KIF13A: variants seen among roughly 807,000 people sequenced by gnomAD.
KIF13A encodes the protein kinesin-like protein KIF13A.
Under a neutral mutation model 212.2 loss-of-function variants are expected in KIF13A, and 79 were observed. The observed-to-expected ratio is 0.37, with a 90% CI of 0.31 to 0.45. The LOEUF (loss-of-function observed/expected upper bound fraction) is 0.45. KIF13A is among the 20% of genes least tolerant of loss of function. The pLI is 1.00. For missense variants in KIF13A, 1,901 were observed against 2,209.0 expected, an observed-to-expected ratio of 0.86 and a Z score of 2.79; for synonymous variants, 789 against 808.6, an observed-to-expected ratio of 0.98 and a Z score of 0.41.
intron 2 of KIF13A, among the ~76,000 whole-genome samples, chr6:17,913,461 G>A (rs1561754956): frequency 6.6e-6 from 1 of 152,088 alleles, no homozygotes; most frequent in Non-Finnish European, 1.5e-5. Context: ...TGGAGCTGGA[G>A]CCTGTTCCAA....
chr6:17,846,208 A>G (rs1350469008), intron 9 of KIF13A, among the ~76,000 whole-genome samples: 1 of 151,944 alleles, frequency 6.6e-6, no homozygotes, highest in South Asian at 2.1e-4. Flanking sequence ...CACCTGCCTC[A>G]GCCTCCCAAA....
rs751506792 is a variant in KIF13A, at chr6:17,785,540, C to G, written c.3463G>C (p.Gly1155Arg). The change falls in exon 28 of 39, where the codon GGG becomes CGG. Residue 1155 changes from glycine (G) to arginine (R), a missense_variant. This residue lies in a region of KIF13A where 168 missense variants were observed against 250.9 expected (regional missense o/e 0.67). Transcript: ENST00000259711. The surrounding 1 kb of genome is among the most constrained non-coding windows in gnomAD (Gnocchi z 5.8). ...NAVLVPAPGS[G>R]IPGAPADWIP... ...CAGTCGGCAGGTGCCCCAGGAATCC[C>G]ACTGCCTGGGGCTGGCACCAGCACA... The G allele has an allele frequency of 1.3e-6, 2 of 1,589,512 alleles. No individual in the cohort carries two copies. The highest frequency in any genetic ancestry group is 1.7e-6 in the Non-Finnish European group (2 of 1,169,392).
At chr6:17,800,820 C>T (rs192371172) in intron 20 of KIF13A, among the ~76,000 whole-genome samples, 32 of 151,992 alleles carry the variant, frequency 2.1e-4, no homozygotes, top group Admixed American at 1.3e-3. Context: ...AGGCTGGTCT[C>T]GGACTCCTGA....
chr6:17,909,427 T>C (rs930185040), intron 2 of KIF13A, among the ~76,000 whole-genome samples: 6 of 151,014 alleles, frequency 4.0e-5, no homozygotes, highest in Admixed American at 1.3e-4. Context: ...ATCCAGCTAC[T>C]TGGGAGGTTG....
rs1779387634 is a variant in KIF13A at position 17,967,028 on chromosome 6, C to T, written c.146+20026G>A. Among the ~76,000 whole-genome samples the T allele has an allele frequency of 6.6e-6, 1 of 152,118 alleles. No individual in the cohort carries two copies. The highest frequency in any genetic ancestry group is 2.1e-4 in the South Asian group (1 of 4,826). On this transcript the variant is annotated intron_variant, in intron 2 of 38. Transcript: ENST00000259711. This position sits in a 1 kb window ranked among gnomAD's most constrained non-coding sequence, Gnocchi z 4.1. ...GAAAATACCAAATATTCCAGCAGTA[C>T]CTAACTTGATTTAGTAGACACTCTA...
intron 2 of KIF13A, among the ~76,000 whole-genome samples, chr6:17,946,478 G>C (rs1777408860): frequency 6.6e-6 from 1 of 150,654 alleles, no homozygotes; most frequent in South Asian, 2.1e-4. Flanking sequence ...TGAGTAAAAA[G>C]AGAGCAGGTG....
At chr6:17,909,038 C>T (rs1424188355) in intron 2 of KIF13A, among the ~76,000 whole-genome samples, 20 of 152,100 alleles carry the variant, frequency 1.3e-4, no homozygotes, top group Admixed American at 1.2e-3. Context: ...CATGAGGTGG[C>T]GTGGGTAATG....
At position 17,888,291 on chromosome 6, in the gene KIF13A, A is replaced by C. The variant is rs1771733208; in HGVS notation, c.159+9877T>G. 6.6e-6 allele frequency among the ~76,000 whole-genome samples: 1 copy of C among 152,178 alleles called. No individual in the cohort carries two copies. Among genetic ancestry groups the C allele is most frequent in the Admixed American group, 6.5e-5 (1 of 15,282 alleles). The stretch of plus-strand genomic sequence containing the variant: ...TTCCTAGGAAAAACGTATAGTGAGA[A>C]GGTTATGCTGTCATTGAGTTCATGC... On this transcript the variant is annotated intron_variant, in intron 3 of 38. Coordinates refer to ENST00000259711, the MANE Select transcript of KIF13A (RefSeq NM_022113.6). This position sits in a 1 kb window ranked among gnomAD's most constrained non-coding sequence, Gnocchi z 4.8.
intron 11 of KIF13A, among the ~76,000 whole-genome samples, chr6:17,835,334 A>C: frequency 6.6e-6 from 1 of 151,248 alleles, no homozygotes; most frequent in East Asian, 2.0e-4. Flanking sequence ...CGCCCAGATT[A>C]TGTGGTCACA....
At chr6:17,902,346 G>T (rs1165453400) in intron 2 of KIF13A, among the ~76,000 whole-genome samples, 1 of 152,114 alleles carries the variant, frequency 6.6e-6, no homozygotes, top group African/African-American at 2.4e-5. Flanking sequence ...TAGTATTTTT[G>T]TATATTCCAA....
chr6:17,865,568 T>TC (rs2150421468), intron 4 of KIF13A, among the ~76,000 whole-genome samples: 1 of 152,288 alleles, frequency 6.6e-6, no homozygotes, highest in Non-Finnish European at 1.5e-5. Context: ...TTAAATAAAT[T>TC]CCTTTCTCAA....
intron 2 of KIF13A, among the ~76,000 whole-genome samples, chr6:17,942,281 G>A (rs34564826): frequency 0.019 from 2,959 of 151,752 alleles, 83 homozygotes; most frequent in African/African-American, 0.06. Flanking sequence ...CAACCTGGGT[G>A]ACACAGTGAG....
chr6:17,763,491 A>AG (rs1561941201), downstream of KIF13A, among the ~76,000 whole-genome samples: 1 of 144,622 alleles, frequency 6.9e-6, no homozygotes, highest in Non-Finnish European at 1.5e-5. Context: ...AAAAAAAAAA[A>AG]AAAAGAAAAA....
intron 3 of KIF13A, among the ~76,000 whole-genome samples, chr6:17,896,904 C>G (rs546005278): frequency 2.6e-5 from 4 of 152,270 alleles, no homozygotes; most frequent in African/African-American, 9.6e-5. Context: ...GAACCAACAG[C>G]AAGGGATGTA....
intron 14 of KIF13A, among the ~76,000 whole-genome samples, chr6:17,827,641 G>C (rs1283805736): frequency 1.3e-5 from 2 of 151,666 alleles, no homozygotes; most frequent in Non-Finnish European, 2.9e-5. Context: ...CCTCAGCCTT[G>C]TAAGTAGCTG....
Position 17,799,367 on chromosome 6 carries a change from C to T in KIF13A, c.2689G>A (p.Asp897Asn). 6.2e-7 allele frequency: 1 copy of T among 1,611,878 alleles called. No homozygotes were observed. Among genetic ancestry groups the T allele is most frequent in the South Asian group, 1.1e-5 (1 of 90,596 alleles). Residue 897 changes from aspartate (D) to asparagine (N), a missense_variant, in exon 22 of 39, where the codon GAC (aspartate) becomes AAC (asparagine). Asp to Asn is a conservative substitution (Grantham distance 23). Around this residue, in one of 5 missense-constraint regions of KIF13A, gnomAD observed 534 missense variants for 536.9 expected, o/e 0.99. Transcript: ENST00000259711. This position sits in a 1 kb window ranked among gnomAD's most constrained non-coding sequence, Gnocchi z 4.4. ...NFVFCQYTFW[D>N]QCESTVAAPV... is the part of the protein sequence containing the mutation. ...GCAGCCACCGTAGACTCACACTGGTCCCAGAATGTGTATTGACAGAAGACA... is the reference window on the plus strand; with the variant it reads ...GCAGCCACCGTAGACTCACACTGGTTCCAGAATGTGTATTGACAGAAGACA...
intron 2 of KIF13A, among the ~76,000 whole-genome samples, chr6:17,927,511 T>TG (rs1376066878): frequency 6.6e-6 from 1 of 151,446 alleles, no homozygotes; most frequent in Admixed American, 6.6e-5. Context: ...TGGTTGGGGG[T>TG]GGGGGACAGA....
intron 2 of KIF13A, among the ~76,000 whole-genome samples, chr6:17,959,312 T>A (rs2150583880): frequency 6.6e-6 from 1 of 152,306 alleles, no homozygotes; most frequent in Middle Eastern, 3.4e-3. Context: ...AAAATAGCCA[T>A]GCCCATACAA....
chr6:17,848,562 T>A (rs1767312930), intron 9 of KIF13A, among the ~76,000 whole-genome samples: 1 of 140,880 alleles, frequency 7.1e-6, no homozygotes, highest in Non-Finnish European at 1.5e-5. Flanking sequence ...GTACATCTTT[T>A]TTTTTTTTTT....
Sources: allele counts gnomAD v4.1 joint callset (sites outside exome capture counted in the v4.1 genomes callset), GRCh38; gene constraint gnomAD v4.1.1; regional missense constraint gnomAD v4.1.1; non-coding constraint Gnocchi (gnomAD v3.1); transcripts MANE v1.5; gene names NCBI Gene and HGNC (gene_info 2026-07-23, HGNC 2026-07-21).